Variants in TCEANC2 observed in about 807,000 individuals in gnomAD.
TCEANC2 encodes transcription elongation factor A N-terminal and central domain containing 2.
A neutral mutation model predicts 22.8 loss-of-function variants in TCEANC2; 20 were observed. The observed-to-expected ratio is 0.88, with a 90% CI of 0.62 to 1.28. TCEANC2 has a LOEUF of 1.28. Ranked by LOEUF, TCEANC2 falls within the 50% of genes most tolerant of loss-of-function variation. The probability of loss-of-function intolerance (pLI) is 0.00; values close to 1 mark genes in which losing one functional copy is unlikely to be tolerated. For synonymous variants in TCEANC2, 84 were observed against 95.5 expected (o/e 0.88, Z 0.70); for missense variants, 251 against 249.7 (o/e 1.01, Z -0.03).
Position 54,102,865 on chromosome 1 carries a change from G to A in TCEANC2, c.*6392G>A, listed in dbSNP as rs1658686100. On this transcript the variant is annotated 3_prime_UTR_variant, in exon 5 of 5. Coordinates refer to ENST00000234827, the MANE Select transcript of TCEANC2 (RefSeq NM_153035.3). The stretch of plus-strand genomic sequence containing the variant: ...GACAGCAGAGTGGGGAGTCCTTCTA[G>A]TGGGCATAGGTTGTGCATCATGCAC... The A allele has an allele frequency of 6.6e-6, 1 of 152,340 alleles. No homozygotes were observed. The allele number at this position is 152,340 out of a possible 1,614,324, so 9.4% of individuals were successfully genotyped here.
intron 2 of TCEANC2, among the ~76,000 whole-genome samples, chr1:54,058,421 T>G (rs1011995584): frequency 6.6e-6 from 1 of 152,214 alleles, no homozygotes; most frequent in Admixed American, 6.5e-5. Context: ...CCCGCTATAC[T>G]CTGAGCTTCT....
At chr1:54,074,784 TA>T (rs764286794) in intron 3 of TCEANC2, among the ~76,000 whole-genome samples, 50 of 152,156 alleles carry the variant, frequency 3.3e-4, no homozygotes, top group Non-Finnish European at 4.4e-4. Flanking sequence ...AAAGTAAGGT[TA>T]GGGGCAGAAG....
chr1:54,082,691 A>G (rs1019985143), intron 3 of TCEANC2, among the ~76,000 whole-genome samples: 3 of 152,082 alleles, frequency 2.0e-5, no homozygotes, highest in Non-Finnish European at 4.4e-5. Flanking sequence ...ACAGAGGCAA[A>G]AGAGTGGGAG....
chr1:54,063,192 T>C (rs139088461), intron 2 of TCEANC2, among the ~76,000 whole-genome samples: 210 of 152,280 alleles, frequency 1.4e-3, no homozygotes, highest in Non-Finnish European at 2.4e-3. Flanking sequence ...GGAGCTAGAA[T>C]TGATCTCCTA....
intron 3 of TCEANC2, among the ~76,000 whole-genome samples, chr1:54,085,118 A>G (rs1658315464): frequency 6.6e-6 from 1 of 152,230 alleles, no homozygotes; most frequent in Non-Finnish European, 1.5e-5. Context: ...TTCTTGATAA[A>G]TAATTGGTTA....
chr1:54,087,663 G>A (rs1202605202), intron 3 of TCEANC2, among the ~76,000 whole-genome samples: 1 of 152,100 alleles, frequency 6.6e-6, no homozygotes, highest in Admixed American at 6.6e-5. Context: ...TTCCAACTGG[G>A]ATTTGAATCA....
chr1:54,078,195 G>A (rs988306564), intron 3 of TCEANC2, among the ~76,000 whole-genome samples: 1 of 151,810 alleles, frequency 6.6e-6, no homozygotes. Flanking sequence ...ATTTACTGCT[G>A]AGATCTTATA....
intron 4 of TCEANC2, among the ~76,000 whole-genome samples, chr1:54,094,938 A>G (rs952463488): frequency 6.6e-6 from 1 of 152,186 alleles, no homozygotes; most frequent in Admixed American, 6.5e-5. Flanking sequence ...CAGGAGTTCA[A>G]GACCAGTCTG....
At chr1:54,062,718 T>TA (rs1413874338) in intron 2 of TCEANC2, among the ~76,000 whole-genome samples, 2 of 152,110 alleles carry the variant, frequency 1.3e-5, no homozygotes, top group African/African-American at 4.8e-5. Context: ...AAGAGAGTCT[T>TA]AAAAAATGAA....
At chr1:54,086,639 G>T (rs141756795) in intron 3 of TCEANC2, among the ~76,000 whole-genome samples, 1 of 152,306 alleles carries the variant, frequency 6.6e-6, no homozygotes, top group East Asian at 1.9e-4. Context: ...AGGTAGGAGG[G>T]TGGCAGATTG....
rs181327229 is a variant in TCEANC2 at position 54,104,084 on chromosome 1, A to T, written c.*7611A>T. ...GCACCAGCTCAGAAACCCTGAGAGA[A>T]GAGCTGCCATCCTCCAGGGTGCAGC... On this transcript the variant is annotated 3_prime_UTR_variant, in exon 5 of 5. Transcript: ENST00000234827. 6.6e-5 allele frequency: 10 copies of T among 152,270 alleles called. No individual in the cohort carries two copies. The highest frequency in any genetic ancestry group is 6.5e-5 in the Admixed American group (1 of 15,284). The allele number at this position is 152,270 out of a possible 1,614,324, so 9.4% of individuals were successfully genotyped here. A position where few individuals can be genotyped will look rare whatever the true frequency, so the allele number is the denominator to read the frequency against.
intron 3 of TCEANC2, among the ~76,000 whole-genome samples, chr1:54,072,285 T>A (rs1354447208): frequency 2.6e-5 from 4 of 152,222 alleles, no homozygotes; most frequent in African/African-American, 9.6e-5. Context: ...ATACGTATCT[T>A]CCAAGTCACT....
chr1:54,056,977 G>A lies in TCEANC2; in HGVS notation c.102+2453G>A, dbSNP rs1657763345. Among the ~76,000 whole-genome samples the A allele has an allele frequency of 2.0e-5, 3 of 151,680 alleles. No homozygotes were observed. In the South Asian group the frequency reaches 6.2e-4, roughly 31 times the overall value. On this transcript the variant is annotated intron_variant, in intron 2 of 4. Transcript: ENST00000234827. ...GGATTGCTTGAACCTGGGAGCTGGAGGTTGCAGTGAGCCAGGATGGTACCA... is the reference window on the plus strand; with the variant it reads ...GGATTGCTTGAACCTGGGAGCTGGAAGTTGCAGTGAGCCAGGATGGTACCA...
intron 2 of TCEANC2, among the ~76,000 whole-genome samples, chr1:54,055,716 A>G (rs181473625): frequency 7.6e-4 from 116 of 152,336 alleles, no homozygotes; most frequent in South Asian, 5.2e-3. Flanking sequence ...CATATACTCA[A>G]TTGGACTCCT....
chr1:54,062,131 A>G (rs1233893603), intron 2 of TCEANC2, among the ~76,000 whole-genome samples: 1 of 152,194 alleles, frequency 6.6e-6, no homozygotes, highest in Non-Finnish European at 1.5e-5. Flanking sequence ...CACCAGTGGA[A>G]TGGTGCCCAC....
chr1:54,062,457 G>T (rs1657875829), intron 2 of TCEANC2, among the ~76,000 whole-genome samples: 1 of 152,160 alleles, frequency 6.6e-6, no homozygotes, highest in Admixed American at 6.5e-5. Flanking sequence ...TCTGAAAACT[G>T]TACTGTACTT....
In TCEANC2 at chr1:54,096,805, CA is replaced by C; in HGVS notation, c.*333del. 1 of 1,033,238 alleles carries C rather than the reference CA, an allele frequency of 9.7e-7. No individual in the cohort carries two copies. Among genetic ancestry groups the C allele is most frequent in the Non-Finnish European group, 1.2e-6 (1 of 860,226 alleles). The allele number at this position is 1,033,238 out of a possible 1,614,324, so 64.0% of individuals were successfully genotyped here. A position where few individuals can be genotyped will look rare whatever the true frequency, so the allele number is the denominator to read the frequency against. ...GGACACCTCTAAACTTCCCCCATGT[CA>C]GTCAGATGAAGTTACTACTATATTT... On this transcript the variant is annotated 3_prime_UTR_variant, in exon 5 of 5. Transcript: ENST00000234827. The surrounding 1 kb of genome is among the most constrained non-coding windows in gnomAD (Gnocchi z 4.9).
In TCEANC2 at chr1:54,096,698, C is replaced by T; in HGVS notation, c.*225C>T. 3 of 1,229,236 alleles carry T rather than the reference C, an allele frequency of 2.4e-6. No homozygotes were observed. Among genetic ancestry groups the T allele is most frequent in the Non-Finnish European group, 3.1e-6 (3 of 964,162 alleles). 76.1% of individuals were successfully genotyped at this position (1,229,236 alleles called of 1,614,324 possible). A position where few individuals can be genotyped will look rare whatever the true frequency, so the allele number is the denominator to read the frequency against. The stretch of plus-strand genomic sequence containing the variant: ...CTGGTGCTGCCTAACAGAACGCACA[C>T]TGGCTGTCACTAGGAAGCGCCATAC... On this transcript the variant is annotated 3_prime_UTR_variant, in exon 5 of 5. Transcript: ENST00000234827. The surrounding 1 kb of genome is among the most constrained non-coding windows in gnomAD (Gnocchi z 4.9).
At chr1:54,078,603 A>G (rs566678757) in intron 3 of TCEANC2, among the ~76,000 whole-genome samples, 2 of 152,316 alleles carry the variant, frequency 1.3e-5, no homozygotes, top group East Asian at 3.9e-4. Flanking sequence ...ACATAAACCC[A>G]TTAAGTGGAA....
Sources: gnomAD v4.1 joint callset for allele counts (sites outside exome capture counted in the v4.1 genomes callset) on GRCh38, gnomAD v4.1.1 for gene constraint, Gnocchi (gnomAD v3.1) non-coding constraint, MANE v1.5 for transcripts, NCBI Gene and HGNC (gene_info 2026-07-23, HGNC 2026-07-21) for gene names.